Variants in RPS5 observed in about 807,000 individuals in gnomAD.
The protein encoded by RPS5 is ribosomal protein S5.
Under a neutral mutation model 20.9 loss-of-function variants are expected in RPS5, and 2 were observed. The observed-to-expected ratio is 0.10, with a 90% confidence interval of 0.04 to 0.30. RPS5 has a LOEUF of 0.30. Among genes scored for constraint, RPS5 ranks in the 10% least tolerant of loss-of-function variants. The pLI is 1.00. For missense variants in RPS5, 122 were observed against 287.2 expected (o/e 0.42, Z 4.16); for synonymous variants, 112 against 105.8 (o/e 1.06, Z -0.36).
At chr19:58,392,890 G>C in intron 2 of RPS5, 86 bp from the exon 3 acceptor site, 1 of 1,278,288 alleles carries the variant, frequency 7.8e-7, no homozygotes, top group South Asian at 1.3e-5. Flanking sequence ...CCCCGAATGG[G>C]TACTTGATCT....
intron 1 of RPS5, 192 bp from the exon 2 acceptor site, chr19:58,387,945 A>G: frequency 3.4e-6 from 2 of 588,624 alleles, no homozygotes; most frequent in South Asian, 4.0e-5. Context: ...TCTAGGTGAA[A>G]GACAGATGCT....
intron 2 of RPS5, chr19:58,388,709 C>G: frequency 3.1e-6 from 1 of 324,308 alleles, no homozygotes; most frequent in Non-Finnish European, 5.4e-6. Flanking sequence ...GTGACGCGAT[C>G]TGCCTACCGG....
intron 2 of RPS5, among the ~76,000 whole-genome samples, chr19:58,389,363 C>G (rs1422096730): frequency 1.3e-5 from 2 of 151,982 alleles, no homozygotes; most frequent in African/African-American, 4.8e-5. Flanking sequence ...CCTCAATACA[C>G]CTGGGCTCAG....
chr19:58,388,804 T>A (rs1328850337), intron 2 of RPS5, among the ~76,000 whole-genome samples: 7 of 151,942 alleles, frequency 4.6e-5, no homozygotes, highest in East Asian at 1.9e-4. Context: ...TTTTTTTTTT[T>A]ATTTTTAGTA....
intron 2 of RPS5, among the ~76,000 whole-genome samples, chr19:58,391,362 G>T (rs2052361766): frequency 6.7e-6 from 1 of 148,324 alleles, no homozygotes. Flanking sequence ...AACCTGGGAG[G>T]TGGAGGTTGG....
At chr19:58,391,937 C>A (rs12460553) in intron 2 of RPS5, among the ~76,000 whole-genome samples, 2 of 151,820 alleles carry the variant, frequency 1.3e-5, no homozygotes, top group Non-Finnish European at 2.9e-5. Context: ...AAACAAAAAA[C>A]CAAAAAACTG....
intron 2 of RPS5, among the ~76,000 whole-genome samples, chr19:58,389,102 C>G (rs1207088104): frequency 1.3e-5 from 2 of 152,070 alleles, no homozygotes; most frequent in Admixed American, 6.6e-5. Flanking sequence ...TTTTTCCCCT[C>G]CCCATGAAGG....
intron 3 of RPS5, 77 bp downstream of exon 3, chr19:58,393,262 T>A: frequency 2.5e-6 from 4 of 1,610,826 alleles, no homozygotes; most frequent in Non-Finnish European, 3.4e-6. Flanking sequence ...ATGTCAGGCT[T>A]ATCCCCTGTG....
chr19:58,389,089 C>T (rs1191607963), intron 2 of RPS5, among the ~76,000 whole-genome samples: 1 of 152,076 alleles, frequency 6.6e-6, no homozygotes, highest in African/African-American at 2.4e-5. Flanking sequence ...TACACATACC[C>T]TTTTTTTCCC....
intron 4 of RPS5, 97 bp downstream of exon 4, chr19:58,393,584 T>A: frequency 6.9e-7 from 1 of 1,442,846 alleles, no homozygotes; most frequent in Non-Finnish European, 9.3e-7. Flanking sequence ...GTCTGCATGT[T>A]TTACCTGCAG....
intron 2 of RPS5, among the ~76,000 whole-genome samples, chr19:58,390,026 C>T (rs1393264105): frequency 6.6e-6 from 1 of 151,630 alleles, no homozygotes; most frequent in Non-Finnish European, 1.5e-5. Flanking sequence ...TCCCAAGTAG[C>T]GGGGATTACA....
intron 2 of RPS5, among the ~76,000 whole-genome samples, chr19:58,392,512 C>T (rs557855308): frequency 6.6e-6 from 1 of 151,988 alleles, no homozygotes; most frequent in South Asian, 2.1e-4. Context: ...ATAATCCTAG[C>T]TACTCGGGAG....
chr19:58,392,564 G>A lies in RPS5; in HGVS notation c.109-412G>A, dbSNP rs141427724. Among the ~76,000 whole-genome samples the A allele has an allele frequency of 5.8e-3, 873 of 151,760 alleles. 5 individuals carry two copies. Among genetic ancestry groups the A allele is most frequent in the African/African-American group, 0.019 (794 of 41,284 alleles). On this transcript the variant is annotated intron_variant, in intron 2 of 5. Coordinates refer to ENST00000196551, the MANE Select transcript of RPS5 (RefSeq NM_001009.4). Reference sequence around the variant, plus strand: ...CATTTGAACCTCGGAGTCGTAGGTTGCAGTGAGCTAAGATGGCACCACTGC... The same window carrying A: ...CATTTGAACCTCGGAGTCGTAGGTTACAGTGAGCTAAGATGGCACCACTGC...
rs568759665 is a variant in RPS5, at chr19:58,391,628, A to G, written c.109-1348A>G. Among the ~76,000 whole-genome samples the G allele has an allele frequency of 4.0e-4, 60 of 151,326 alleles. 3 individuals carry two copies. The South Asian group carries it at 0.012, about 30-fold the overall frequency. On this transcript the variant is annotated intron_variant, in intron 2 of 5. Transcript: ENST00000196551. ...AAAAACAAACAAACAAAAAACCCAA[A>G]AACAAAAAAGTTCTCAGCCAGGTGC...
intron 2 of RPS5, 104 bp from the exon 3 acceptor site, chr19:58,392,872 T>C (rs531338459): frequency 9.5e-7 from 1 of 1,052,012 alleles, no homozygotes; most frequent in Non-Finnish European, 1.4e-6. Context: ...CAGACAGCTG[T>C]TGGACTACCC....
chr19:58,387,524 C>G (rs1181073673), intron 1 of RPS5, 185 bp downstream of exon 1: 2 of 152,286 alleles, frequency 1.3e-5, no homozygotes, highest in African/African-American at 4.8e-5. Flanking sequence ...TCTAGCTTTT[C>G]CCCATAGCGG....
Position 58,394,527 on chromosome 19 carries a change from G to A in RPS5, c.478G>A (p.Glu160Lys). Reference sequence around the variant, plus strand: ...CTGGCTGCTGTGCACAGGCGCTCGTGAGGCTGCCTTCCGGAACATTAAGAC... The same window carrying A: ...CTGGCTGCTGTGCACAGGCGCTCGTAAGGCTGCCTTCCGGAACATTAAGAC... ...AIWLLCTGAR[E>K]AAFRNIKTIA... The change falls in exon 5 of 6, where the codon GAG (glutamate) becomes AAG (lysine). Residue 160 changes from glutamate to lysine, a missense_variant. Glu to Lys is a moderately conservative substitution (Grantham distance 56). Around this residue, in one of 6 missense-constraint regions of RPS5, gnomAD observed 24 missense variants for 36.7 expected, o/e 0.65. Transcript: ENST00000196551. The A allele has an allele frequency of 6.2e-7, 1 of 1,614,162 alleles. No homozygotes were observed. The highest frequency in any genetic ancestry group is 8.5e-7 in the Non-Finnish European group (1 of 1,180,028).
At chr19:58,390,572 ACTACAGG>A (rs1251385144) in intron 2 of RPS5, among the ~76,000 whole-genome samples, 1 of 151,764 alleles carries the variant, frequency 6.6e-6, no homozygotes, top group Non-Finnish European at 1.5e-5. Flanking sequence ...AGTAGCTGGA[ACTACAGG>A]TGCATGCCAC....
chr19:58,390,972 T>C (rs2052359465), intron 2 of RPS5, among the ~76,000 whole-genome samples: 1 of 152,178 alleles, frequency 6.6e-6, no homozygotes, highest in South Asian at 2.1e-4. Flanking sequence ...CAGAGGCAAG[T>C]GATAGAATGG....
Sources: allele counts gnomAD v4.1 joint callset (sites outside exome capture counted in the v4.1 genomes callset), GRCh38; gene constraint gnomAD v4.1.1; regional missense constraint gnomAD v4.1.1; transcripts MANE v1.5; gene names NCBI Gene and HGNC (gene_info 2026-07-23, HGNC 2026-07-21).